FRYL: variants seen among roughly 807,000 people sequenced by gnomAD.
FRYL encodes FRY like transcription coactivator.
A neutral mutation model predicts 351.2 loss-of-function variants in FRYL; 150 were observed. The observed-to-expected ratio is 0.43, with a 90% CI of 0.37 to 0.49. FRYL has a LOEUF of 0.49. Ranked by LOEUF, FRYL falls within the 20% of genes least tolerant of loss-of-function variation. FRYL has a pLI of 0.00. For missense variants in FRYL, 3,036 were observed against 3,619.3 expected, an observed-to-expected ratio of 0.84 and a Z score of 4.13; for synonymous variants, 1,153 against 1,257.1, an observed-to-expected ratio of 0.92 and a Z score of 1.75.
intron 7 of FRYL, among the ~76,000 whole-genome samples, chr4:48,611,407 G>T (rs1319200149): frequency 6.6e-6 from 1 of 151,882 alleles, no homozygotes; most frequent in Non-Finnish European, 1.5e-5. Context: ...ATCCAAGGTT[G>T]GCTGAATTCA....
chr4:48,505,271 A>G (rs1720650607), intron 60 of FRYL: 1 of 388,260 alleles, frequency 2.6e-6, no homozygotes. Flanking sequence ...GCAACTTAAA[A>G]GCCGACCTGG....
chr4:48,684,462 A>G (rs1764959661), intron 3 of FRYL, among the ~76,000 whole-genome samples: 1 of 152,178 alleles, frequency 6.6e-6, no homozygotes, highest in African/African-American at 2.4e-5. Context: ...TTTATTACTG[A>G]CAGGATCTAT....
intron 3 of FRYL, among the ~76,000 whole-genome samples, chr4:48,671,118 C>A (rs375130144): frequency 1.3e-5 from 2 of 152,110 alleles, no homozygotes; most frequent in South Asian, 2.1e-4. Flanking sequence ...TTTGTTACTG[C>A]CTGTCTTTTG....
intron 17 of FRYL, 78 bp from the exon 18 acceptor site, chr4:48,589,955 TA>T: frequency 7.9e-7 from 1 of 1,269,930 alleles, no homozygotes; most frequent in Non-Finnish European, 1.1e-6. Flanking sequence ...AAAAGCCTAT[TA>T]ATCTTTAAAT....
At chr4:48,772,523 CA>C (rs1178168860) in intron 1 of FRYL, among the ~76,000 whole-genome samples, 1 of 152,062 alleles carries the variant, frequency 6.6e-6, no homozygotes, top group African/African-American at 2.4e-5. Context: ...GATGCACATT[CA>C]TCAAACTAAT....
Position 48,501,725 on chromosome 4 carries a change from C to G in FRYL, c.8490G>C (p.Glu2830Asp). Reference sequence around the variant, plus strand: ...GCAATTTGTATAATCTTCGGCAGAGCTCCAATTCCTAGAAATAAATAACAT... The same window carrying G: ...GCAATTTGTATAATCTTCGGCAGAGGTCCAATTCCTAGAAATAAATAACAT... Reference protein sequence around the residue: ...AQQMEILAELELCRRLYKLHF... With the variant: ...AQQMEILAELDLCRRLYKLHF... The change falls in exon 62 of 64, where the codon GAG becomes GAC. Residue 2830 changes from glutamate (E) to aspartate (D), a missense_variant. Physicochemically the swap from Glu to Asp is conservative, Grantham distance 45. Around this residue, in one of 7 missense-constraint regions of FRYL, gnomAD observed 1,987 missense variants for 2,311.7 expected, o/e 0.86. Coordinates refer to ENST00000358350, the MANE Select transcript of FRYL (RefSeq NM_015030.2). 5 of 1,571,626 alleles carry G rather than the reference C, an allele frequency of 3.2e-6. No homozygotes were observed. The highest frequency in any genetic ancestry group is 4.4e-6 in the Non-Finnish European group (5 of 1,143,078).
chr4:48,588,494 T>C (rs2149195474), intron 18 of FRYL, among the ~76,000 whole-genome samples: 1 of 152,304 alleles, frequency 6.6e-6, no homozygotes, highest in East Asian at 1.9e-4. Context: ...TGCAGGCTAC[T>C]TGACTGGCCC....
At chr4:48,777,291 A>C (rs1411657089) in intron 1 of FRYL, among the ~76,000 whole-genome samples, 2 of 152,206 alleles carry the variant, frequency 1.3e-5, no homozygotes, top group African/African-American at 2.4e-5. Flanking sequence ...AGAACAAAGA[A>C]CCTCTAGATT....
intron 53 of FRYL, among the ~76,000 whole-genome samples, chr4:48,524,946 G>C (rs1318271662): frequency 6.6e-6 from 1 of 151,678 alleles, no homozygotes; most frequent in Non-Finnish European, 1.5e-5. Context: ...AGGGCAGCAG[G>C]TCTCTTTAAC....
At position 48,561,526 on chromosome 4, in the gene FRYL, A is replaced by G. The variant is rs763985570; in HGVS notation, c.3807T>C (p.Tyr1269=). The change falls in exon 33 of 64, where the codon TAT becomes TAC. Residue 1269 remains tyrosine, a synonymous_variant. Transcript: ENST00000358350. ...CCCTTGCTAGTTCCTCGGACAACTG[A>G]TAATATGAAACAGAATAGAGATGTG... The part of the protein sequence containing the change: ...PLPHLYSVSY[Y]QLSEELARAY... 3 of 1,611,834 alleles carry G rather than the reference A, an allele frequency of 1.9e-6. No homozygotes were observed. In the East Asian group the frequency reaches 6.7e-5, roughly 36 times the overall value.
chr4:48,652,197 T>C (rs1413557547), intron 3 of FRYL, among the ~76,000 whole-genome samples: 1 of 152,234 alleles, frequency 6.6e-6, no homozygotes, highest in African/African-American at 2.4e-5. Flanking sequence ...AACCACATAG[T>C]TCACAAGTAC....
At chr4:48,677,367 T>G (rs1432067577) in intron 3 of FRYL, among the ~76,000 whole-genome samples, 1 of 152,160 alleles carries the variant, frequency 6.6e-6, no homozygotes, top group African/African-American at 2.4e-5. Context: ...ATTACAATCT[T>G]ACCTAAAATA....
At chr4:48,540,202 T>A in intron 46 of FRYL, 134 bp from the exon 47 acceptor site, 1 of 1,174,556 alleles carries the variant, frequency 8.5e-7, no homozygotes. Flanking sequence ...TCTAATTCTT[T>A]TTTGGCTTTT....
chr4:48,514,972 A>T, intron 56 of FRYL, 56 bp downstream of exon 56: 1 of 1,455,652 alleles, frequency 6.9e-7, no homozygotes, highest in East Asian at 2.3e-5. Flanking sequence ...ACTCTTTGGA[A>T]GGAATAGGGG....
At chr4:48,537,287 T>G (rs1166789265) in intron 47 of FRYL, among the ~76,000 whole-genome samples, 1 of 152,192 alleles carries the variant, frequency 6.6e-6, no homozygotes, top group Non-Finnish European at 1.5e-5. Context: ...ATATCTGCTG[T>G]GCAATTTTAT....
intron 3 of FRYL, among the ~76,000 whole-genome samples, chr4:48,648,821 C>A (rs1041975695): frequency 6.6e-6 from 1 of 152,062 alleles, no homozygotes; most frequent in Non-Finnish European, 1.5e-5. Flanking sequence ...TAGACAAATC[C>A]GTAGTGACAG....
intron 36 of FRYL, 71 bp from the exon 37 acceptor site, chr4:48,551,649 C>CAA: frequency 1.1e-6 from 1 of 907,948 alleles, no homozygotes; most frequent in Non-Finnish European, 1.8e-6. Flanking sequence ...CAAAAGATCT[C>CAA]AAATTATAGA....
Position 48,557,672 on chromosome 4 carries a change from C to T in FRYL, c.3906G>A (p.Arg1302=). ...QRIQTAHPAG[R]QVMLHYLLPW... ...GTAGCAGGTAGTGCAGCATCACCTG[C>T]CGCCCAGCAGGGTGAGCTGTCTGGA... The change falls in exon 34 of 64, where the codon CGG becomes CGA. Residue 1302 remains arginine (R), a synonymous_variant. Coordinates refer to ENST00000358350, the MANE Select transcript of FRYL (RefSeq NM_015030.2). The T allele has an allele frequency of 1.2e-6, 2 of 1,614,116 alleles. No homozygotes were observed. The highest frequency in any genetic ancestry group is 1.7e-6 in the Non-Finnish European group (2 of 1,180,004).
intron 4 of FRYL, among the ~76,000 whole-genome samples, chr4:48,627,945 A>AT (rs1279993313): frequency 1.3e-5 from 2 of 151,978 alleles, no homozygotes; most frequent in Non-Finnish European, 2.9e-5. Flanking sequence ...TAGTTTTTGT[A>AT]TTTTTAGTAG....
Sources: allele counts gnomAD v4.1 joint callset (sites outside exome capture counted in the v4.1 genomes callset), GRCh38; gene constraint gnomAD v4.1.1; regional missense constraint gnomAD v4.1.1; transcripts MANE v1.5; gene names NCBI Gene and HGNC (gene_info 2026-07-23, HGNC 2026-07-21).